PCDHGA8: variants seen among roughly 807,000 people sequenced by gnomAD.
PCDHGA8 encodes the protein protocadherin gamma-A8.
PCDHGA8 carries 45 observed loss-of-function variants against 59.2 expected under a neutral mutation model. That is an observed-to-expected ratio of 0.76 (90% CI 0.60 to 0.98). The LOEUF (loss-of-function observed/expected upper bound fraction) is 0.98. Ranked by LOEUF, PCDHGA8 falls within the 50% of genes least tolerant of loss-of-function variation. The pLI is 0.00. For missense variants in PCDHGA8, 1,257 were observed against 1,196.2 expected (o/e 1.05, Z -0.75); for synonymous variants, 531 against 519.0 (o/e 1.02, Z -0.32).
chr5:141,419,968 T>G lies in PCDHGA8; in HGVS notation c.2424+24731T>G, dbSNP rs766617414. ...CCTTGGCCTTGATTTCTGTGCTCTT[T>G]CTCCTCGCGGTGATTCTAGCTATTG... is the stretch of plus-strand genomic sequence containing the variant. On this transcript the variant is annotated intron_variant, in intron 1 of 3. Transcript: ENST00000398604. The G allele has an allele frequency of 6.2e-6, 10 of 1,614,036 alleles. No homozygotes were observed. The South Asian group carries it at 1.1e-4, about 18-fold the overall frequency.
intron 1 of PCDHGA8, chr5:141,410,249 G>A (rs371076854): frequency 1.2e-6 from 2 of 1,613,992 alleles, no homozygotes; most frequent in Non-Finnish European, 8.5e-7. Flanking sequence ...TGTACTCTCT[G>A]ACCCCCAGGC....
At chr5:141,397,267 A>G (rs1411112086) in intron 1 of PCDHGA8, among the ~76,000 whole-genome samples, 1 of 152,230 alleles carries the variant, frequency 6.6e-6, no homozygotes, top group East Asian at 1.9e-4. Flanking sequence ...TCTTAGCTAC[A>G]TCATATGGGC....
chr5:141,432,823 C>A lies in PCDHGA8; in HGVS notation c.2424+37586C>A. 1 of 1,614,184 alleles carries A rather than the reference C, an allele frequency of 6.2e-7. No homozygotes were observed. Among genetic ancestry groups the A allele is most frequent in the Non-Finnish European group, 8.5e-7 (1 of 1,180,004 alleles). On this transcript the variant is annotated intron_variant, in intron 1 of 3. Transcript: ENST00000398604. The surrounding 1 kb of genome is among the most constrained non-coding windows in gnomAD (Gnocchi z 6.0). ...CTCCAGCTAACTCTGAAACCTCAGA[C>A]CTCACTCTGTACCTGGTGGTAGCGG...
chr5:141,419,638 C>G, intron 1 of PCDHGA8: 1 of 1,612,456 alleles, frequency 6.2e-7, no homozygotes, highest in Non-Finnish European at 8.5e-7. Context: ...AGGTGGTGGC[C>G]GTGGACGCGG....
At chr5:141,407,547 T>C (rs895082728) in intron 1 of PCDHGA8, among the ~76,000 whole-genome samples, 1 of 151,860 alleles carries the variant, frequency 6.6e-6, no homozygotes, top group Non-Finnish European at 1.5e-5. Flanking sequence ...GGTAACAGAT[T>C]GTAGAACATA....
At chr5:141,496,236 C>T (rs1290509264) in intron 2 of PCDHGA8, among the ~76,000 whole-genome samples, 7 of 152,138 alleles carry the variant, frequency 4.6e-5, no homozygotes, top group Middle Eastern at 3.2e-3. Flanking sequence ...GAACCCCCTG[C>T]GGGCTGAAGG....
At chr5:141,438,591 CATAT>C (rs946798767) in intron 1 of PCDHGA8, among the ~76,000 whole-genome samples, 213 of 75,464 alleles carry the variant, frequency 2.8e-3, no homozygotes, top group African/African-American at 5.5e-3. Flanking sequence ...TACATACATA[CATAT>C]ATATATATAT....
intron 1 of PCDHGA8, chr5:141,405,449 T>A: frequency 6.2e-6 from 8 of 1,283,878 alleles, no homozygotes; most frequent in South Asian, 1.4e-5. Context: ...AGACAGAGTC[T>A]TACTCTGTTA....
chr5:141,422,421 T>C, intron 1 of PCDHGA8: 1 of 1,607,810 alleles, frequency 6.2e-7, no homozygotes, highest in Non-Finnish European at 8.5e-7. Context: ...TAGAAAAGAC[T>C]TATGGAAATT....
rs2099613082 is a variant in PCDHGA8, at chr5:141,485,421, C to T, written c.2425-9386C>T. ...TTCCGTGTGGATTTGGACAGCGGAG[C>T]CCTGCTCATCAAGAACCCAATCGAC... On this transcript the variant is annotated intron_variant, in intron 1 of 3. Coordinates refer to ENST00000398604, the MANE Select transcript of PCDHGA8 (RefSeq NM_032088.2). The surrounding 1 kb of genome is among the most constrained non-coding windows in gnomAD (Gnocchi z 5.7). The T allele has an allele frequency of 6.2e-7, 1 of 1,614,112 alleles. No individual in the cohort carries two copies. Among genetic ancestry groups the T allele is most frequent in the Non-Finnish European group, 8.5e-7 (1 of 1,180,010 alleles).
chr5:141,432,919 C>T lies in PCDHGA8; in HGVS notation c.2424+37682C>T. ...TGGCGCTCAGGCTGCGGCGCTGGCACAAGTCACGCCTGCTGCAGGCTTCAG... is the reference window on the plus strand; with the variant it reads ...TGGCGCTCAGGCTGCGGCGCTGGCATAAGTCACGCCTGCTGCAGGCTTCAG... On this transcript the variant is annotated intron_variant, in intron 1 of 3. Coordinates refer to ENST00000398604, the MANE Select transcript of PCDHGA8 (RefSeq NM_032088.2). The surrounding 1 kb of genome is among the most constrained non-coding windows in gnomAD (Gnocchi z 6.0). The T allele has an allele frequency of 2.5e-6, 4 of 1,614,210 alleles. No individual in the cohort carries two copies. Among genetic ancestry groups the T allele is most frequent in the Non-Finnish European group, 3.4e-6 (4 of 1,180,040 alleles).
At chr5:141,408,052 C>T in intron 1 of PCDHGA8, 1 of 1,283,102 alleles carries the variant, frequency 7.8e-7, no homozygotes, top group Non-Finnish European at 1.0e-6. Context: ...CACACAGAGC[C>T]TCCCGGCTGC....
rs71583649 is a variant in PCDHGA8, at chr5:141,491,361, C to A, written c.2425-3446C>A. On this transcript the variant is annotated intron_variant, in intron 1 of 3. Transcript: ENST00000398604. The surrounding 1 kb of genome is among the most constrained non-coding windows in gnomAD (Gnocchi z 6.9). The stretch of plus-strand genomic sequence containing the variant: ...CGACCGTCAGTCTCTTATCCCTAGT[C>A]ACCTTCACCTTTCTGTCAGCGAAGT... 1.0e-3 allele frequency: 1,614 copies of A among 1,614,132 alleles called. 5 individuals carry two copies. The highest frequency in any genetic ancestry group is 5.1e-3 in the Middle Eastern group (31 of 6,062).
chr5:141,482,752 T>C (rs1361016909), intron 1 of PCDHGA8, among the ~76,000 whole-genome samples: 1 of 127,096 alleles, frequency 7.9e-6, no homozygotes, highest in Non-Finnish European at 1.6e-5. Context: ...AGAGGGATTA[T>C]GGTATTTCAT....
At chr5:141,424,016 T>G in intron 1 of PCDHGA8, 16 of 1,038,360 alleles carry the variant, frequency 1.5e-5, no homozygotes, top group Non-Finnish European at 1.3e-5. Context: ...AAATTAATGA[T>G]TCACAAACAC....
Position 141,511,334 on chromosome 5 carries a change from C to A in PCDHGA8, c.*161C>A. 7.0e-7 allele frequency: 1 copy of A among 1,438,700 alleles called. No homozygotes were observed. Among genetic ancestry groups the A allele is most frequent in the Non-Finnish European group, 9.2e-7 (1 of 1,083,314 alleles). 89.1% of individuals were successfully genotyped at this position (1,438,700 alleles called of 1,614,324 possible). On this transcript the variant is annotated 3_prime_UTR_variant, in exon 4 of 4. Coordinates refer to ENST00000398604, the MANE Select transcript of PCDHGA8 (RefSeq NM_032088.2). ...GAAACAGAAACAAGTGCCCAGTCAG[C>A]ACCTACCCCTTCCCCCCCAGGGGGT...
intron 1 of PCDHGA8, chr5:141,409,280 T>C (rs1277414418): frequency 6.2e-7 from 1 of 1,613,904 alleles, no homozygotes; most frequent in Non-Finnish European, 8.5e-7. Context: ...TTTGGAGAAT[T>C]CACCTCCAGG....
Position 141,511,040 on chromosome 5 carries a change from C to T in PCDHGA8, c.2666C>T (p.Pro889Leu), listed in dbSNP as rs770767470. The T allele has an allele frequency of 6.2e-7, 1 of 1,614,216 alleles. No individual in the cohort carries two copies. The highest frequency in any genetic ancestry group is 1.7e-5 in the Admixed American group (1 of 60,034). Reference protein sequence around the residue: ...YGPQFTLQHVPDYRQNVYIPG... With the variant: ...YGPQFTLQHVLDYRQNVYIPG... ...CCCCAGTTCACCCTGCAGCACGTGC[C>T]CGACTACCGCCAGAATGTCTACATC... Residue 889 changes from proline (P) to leucine (L), a missense_variant, in exon 4 of 4, where the codon CCC becomes CTC. Physicochemically the swap from Pro to Leu is moderately conservative, Grantham distance 98. Transcript: ENST00000398604.
intron 2 of PCDHGA8, among the ~76,000 whole-genome samples, chr5:141,500,806 T>C (rs2099802700): frequency 6.6e-6 from 1 of 152,240 alleles, no homozygotes; most frequent in Non-Finnish European, 1.5e-5. Context: ...AGTCCTCATA[T>C]GAATATACAT....
Sources: allele counts gnomAD v4.1 joint callset (sites outside exome capture counted in the v4.1 genomes callset), GRCh38; gene constraint gnomAD v4.1.1; non-coding constraint Gnocchi (gnomAD v3.1); transcripts MANE v1.5; gene names NCBI Gene and HGNC (gene_info 2026-07-23, HGNC 2026-07-21).